Variants in ATF7IP observed in about 807,000 individuals in gnomAD.
The protein encoded by ATF7IP is activating transcription factor 7-interacting protein 1.
In ATF7IP, 23 loss-of-function variants were observed where a neutral mutation model predicts 106.4. That is an observed-to-expected ratio of 0.22 (90% confidence interval 0.16 to 0.31). The LOEUF (loss-of-function observed/expected upper bound fraction) is 0.31. Ranked by LOEUF, ATF7IP falls within the 10% of genes least tolerant of loss-of-function variation. The pLI is 1.00. For synonymous variants in ATF7IP, 542 were observed against 539.0 expected (o/e 1.01, Z -0.08); for missense variants, 1,334 against 1,524.3 (o/e 0.88, Z 2.08).
chr12:14,399,971 A>T (rs1940092725), intron 1 of ATF7IP, among the ~76,000 whole-genome samples: 1 of 152,190 alleles, frequency 6.6e-6, no homozygotes, highest in South Asian at 2.1e-4. Flanking sequence ...GGTAGCCTCC[A>T]TGTCTCTCCG....
At chr12:14,418,991 C>T (rs560151930) in intron 1 of ATF7IP, 19 of 152,130 alleles carry the variant, frequency 1.2e-4, no homozygotes, top group African/African-American at 3.6e-4. Flanking sequence ...AGGAATTTGT[C>T]TTAGACTCTT....
intron 10 of ATF7IP, among the ~76,000 whole-genome samples, chr12:14,468,272 C>CAAAA (rs567695230): frequency 1.5e-5 from 1 of 65,720 alleles, no homozygotes. Flanking sequence ...CATCCCATCT[C>CAAAA]AAAAAAAAAA....
At chr12:14,411,607 T>G (rs575993870) in intron 1 of ATF7IP, among the ~76,000 whole-genome samples, 80 of 152,240 alleles carry the variant, frequency 5.3e-4, no homozygotes, top group African/African-American at 1.9e-3. Flanking sequence ...AGTCCTTTGC[T>G]CATTTTAAAA....
chr12:14,497,464 ATTGT>A (rs1000107385), intron 14 of ATF7IP, among the ~76,000 whole-genome samples, 186 bp from the exon 15 acceptor site: 4 of 152,206 alleles, frequency 2.6e-5, no homozygotes, highest in Non-Finnish European at 5.9e-5. Context: ...CCTCAGCATC[ATTGT>A]TTGTAGCATG....
At chr12:14,486,923 T>G (rs553185986) in intron 13 of ATF7IP, among the ~76,000 whole-genome samples, 1 of 152,306 alleles carries the variant, frequency 6.6e-6, no homozygotes, top group Admixed American at 6.5e-5. Context: ...CGCAAGGCAT[T>G]GGTCAAGGGT....
rs1255165880 is a variant in ATF7IP, at chr12:14,380,182, C to T, written c.-8+14355C>T. Reference sequence around the variant, plus strand: ...CTTTTCTATAGCATTCTATTCTTGACTCAAGAATGTAACATTTTGTCTGCA... The same window carrying T: ...CTTTTCTATAGCATTCTATTCTTGATTCAAGAATGTAACATTTTGTCTGCA... On this transcript the variant is annotated intron_variant, in intron 1 of 14. Transcript: ENST00000261168. Among the ~76,000 whole-genome samples, 4 of 152,094 alleles carry T rather than the reference C, an allele frequency of 2.6e-5. No individual in the cohort carries two copies. The East Asian group carries it at 7.7e-4, about 29-fold the overall frequency.
At chr12:14,423,039 C>T (rs1941617233) in intron 1 of ATF7IP, among the ~76,000 whole-genome samples, 2 of 152,160 alleles carry the variant, frequency 1.3e-5, no homozygotes, top group Non-Finnish European at 1.5e-5. Flanking sequence ...AGTTTTTTCA[C>T]ATCCTTGCCA....
At chr12:14,462,029 A>G (rs1565533550) in intron 9 of ATF7IP, among the ~76,000 whole-genome samples, 1 of 152,114 alleles carries the variant, frequency 6.6e-6, no homozygotes, top group Non-Finnish European at 1.5e-5. Flanking sequence ...GTTACTCCCT[A>G]AGTGTTTTCT....
intron 1 of ATF7IP, among the ~76,000 whole-genome samples, chr12:14,384,260 A>G (rs1419769124): frequency 6.6e-6 from 1 of 152,184 alleles, no homozygotes; most frequent in Non-Finnish European, 1.5e-5. Flanking sequence ...TTAGGAAGGT[A>G]GACTGAGGAA....
At chr12:14,397,799 A>G (rs1240771721) in intron 1 of ATF7IP, among the ~76,000 whole-genome samples, 1 of 152,080 alleles carries the variant, frequency 6.6e-6, no homozygotes, top group East Asian at 1.9e-4. Context: ...TGGTCATCCC[A>G]CAGTTATTAA....
chr12:14,395,355 T>C (rs1939780530), intron 1 of ATF7IP: 1 of 152,160 alleles, frequency 6.6e-6, no homozygotes, highest in South Asian at 2.1e-4. Flanking sequence ...TTAGTTCTAA[T>C]GAAAACAGGA....
chr12:14,481,522 A>G (rs1944428305), intron 13 of ATF7IP: 3 of 396,236 alleles, frequency 7.6e-6, no homozygotes, highest in Non-Finnish European at 1.4e-5. Context: ...ATAAATATAT[A>G]TAATTTTTGT....
intron 1 of ATF7IP, among the ~76,000 whole-genome samples, chr12:14,369,779 CCAGATATCTAGTTTCCAT>C (rs1410282686): frequency 7.2e-6 from 1 of 138,012 alleles, no homozygotes; most frequent in African/African-American, 3.6e-5. Context: ...CCATTTTTTT[CCAGATATCTAGTTTCCAT>C]AGACTTGATC....
At chr12:14,437,316 C>T (rs1420578051) in intron 4 of ATF7IP, among the ~76,000 whole-genome samples, 2 of 152,100 alleles carry the variant, frequency 1.3e-5, no homozygotes, top group African/African-American at 4.8e-5. Context: ...ATATAGCATA[C>T]ATATTTGCAC....
intron 14 of ATF7IP, 34 bp from the exon 15 acceptor site, chr12:14,497,620 A>C (rs750198895): frequency 3.8e-6 from 6 of 1,559,904 alleles, no homozygotes; most frequent in Non-Finnish European, 5.2e-6. Flanking sequence ...TTCTTTTTGC[A>C]ATCATCATTA....
chr12:14,404,193 TA>T (rs1940425600), intron 1 of ATF7IP, among the ~76,000 whole-genome samples: 1 of 151,676 alleles, frequency 6.6e-6, no homozygotes, highest in Non-Finnish European at 1.5e-5. Context: ...TCATGGAAAC[TA>T]GAGAACAGAA....
rs1945126565 is a variant in ATF7IP, at chr12:14,500,247, A to T, written c.*2174A>T. The T allele has an allele frequency of 6.6e-6, 1 of 152,138 alleles. No individual in the cohort carries two copies. The highest frequency in any genetic ancestry group is 2.1e-4 in the South Asian group (1 of 4,824). 9.4% of individuals were successfully genotyped at this position (152,138 alleles called of 1,614,324 possible). Reference sequence around the variant, plus strand: ...TAGGAAGTATTCTAGTTGTAAAGAAAACTCTTTAGAGACTTTTGACTGGTC... The same window carrying T: ...TAGGAAGTATTCTAGTTGTAAAGAATACTCTTTAGAGACTTTTGACTGGTC... On this transcript the variant is annotated 3_prime_UTR_variant, in exon 15 of 15. Coordinates refer to ENST00000261168, the MANE Select transcript of ATF7IP (RefSeq NM_018179.5).
chr12:14,495,118 T>A (rs1944973389), intron 13 of ATF7IP, among the ~76,000 whole-genome samples: 1 of 152,184 alleles, frequency 6.6e-6, no homozygotes, highest in Admixed American at 6.5e-5. Context: ...TTTTCACGTT[T>A]TTCTGCCTGC....
intron 4 of ATF7IP, 132 bp downstream of exon 4, chr12:14,436,383 G>A: frequency 1.1e-6 from 1 of 945,364 alleles, no homozygotes; most frequent in Non-Finnish European, 1.5e-6. Flanking sequence ...CTTGAAGAAA[G>A]TGGTTGAGCT....
Sources: gnomAD v4.1 joint callset for allele counts (sites outside exome capture counted in the v4.1 genomes callset) on GRCh38, gnomAD v4.1.1 for gene constraint, MANE v1.5 for transcripts, NCBI Gene and HGNC (gene_info 2026-07-23, HGNC 2026-07-21) for gene names.